SERP2: variants seen among roughly 807,000 people sequenced by gnomAD.
SERP2 encodes stress associated endoplasmic reticulum protein family member 2.
SERP2 carries 6 observed loss-of-function variants against 9.1 expected under a neutral mutation model. The ratio of observed to expected loss-of-function variants is 0.66; its 90% confidence interval spans 0.36 to 1.30. SERP2 has a LOEUF of 1.30. SERP2 is among the 50% of genes most tolerant of loss of function. The pLI is 0.03. For synonymous variants in SERP2, 37 were observed against 27.3 expected (o/e 1.35, Z -1.10); for missense variants, 58 against 81.9 (o/e 0.71, Z 1.13).
At chr13:44,391,693 A>G (rs1032650562) in intron 2 of SERP2, among the ~76,000 whole-genome samples, 8 of 152,114 alleles carry the variant, frequency 5.3e-5, no homozygotes, top group Non-Finnish European at 1.0e-4. Flanking sequence ...ACTTGTTAGA[A>G]ACACAGATTC....
intron 2 of SERP2, among the ~76,000 whole-genome samples, chr13:44,397,032 G>A (rs1266541524): frequency 6.6e-6 from 1 of 152,224 alleles, no homozygotes; most frequent in Non-Finnish European, 1.5e-5. Flanking sequence ...TTAACTGCTG[G>A]TGGAATTAGC....
chr13:44,389,593 G>C (rs1223921385), intron 2 of SERP2, among the ~76,000 whole-genome samples: 2 of 152,080 alleles, frequency 1.3e-5, no homozygotes, highest in East Asian at 3.9e-4. Context: ...GCCCATTTTC[G>C]TAGCTTTGCT....
intron 2 of SERP2, among the ~76,000 whole-genome samples, chr13:44,384,796 T>C (rs933657920): frequency 1.3e-5 from 2 of 152,224 alleles, no homozygotes; most frequent in African/African-American, 2.4e-5. Context: ...TGTTTTTATA[T>C]AGATGCTAAG....
intron 2 of SERP2, chr13:44,391,150 T>C (rs1168984021): frequency 6.6e-6 from 1 of 152,176 alleles, no homozygotes; most frequent in East Asian, 1.9e-4. Flanking sequence ...CCACTTGTTA[T>C]GTCATCCCTG....
At chr13:44,381,863 G>A (rs1412968600) in intron 2 of SERP2, among the ~76,000 whole-genome samples, 2 of 152,120 alleles carry the variant, frequency 1.3e-5, no homozygotes, top group Non-Finnish European at 2.9e-5. Flanking sequence ...ATCAGCAGTT[G>A]CAGTTATTTA....
chr13:44,382,245 G>C (rs1872025359), intron 2 of SERP2, among the ~76,000 whole-genome samples: 1 of 151,684 alleles, frequency 6.6e-6, no homozygotes, highest in Non-Finnish European at 1.5e-5. Flanking sequence ...GACCATCCTG[G>C]CTAACACGAT....
intron 2 of SERP2, among the ~76,000 whole-genome samples, chr13:44,386,397 T>C (rs899335133): frequency 6.6e-5 from 10 of 152,226 alleles, no homozygotes; most frequent in African/African-American, 2.4e-4. Context: ...AGTGTTTTTT[T>C]TCTTTTTTGA....
At chr13:44,389,220 G>A (rs1047406538) in intron 2 of SERP2, among the ~76,000 whole-genome samples, 1 of 152,224 alleles carries the variant, frequency 6.6e-6, no homozygotes, top group Non-Finnish European at 1.5e-5. Context: ...CCATAGGGAG[G>A]AAGTTAACAT....
chr13:44,375,140 C>G (rs536723488), intron 1 of SERP2, among the ~76,000 whole-genome samples: 3 of 152,260 alleles, frequency 2.0e-5, no homozygotes, highest in Admixed American at 6.5e-5. Context: ...AAGTGGAAAT[C>G]CAGCTGAAGC....
Position 44,382,095 on chromosome 13 carries a change from T to G in SERP2, c.157+2382T>G, listed in dbSNP as rs1015890186. Among the ~76,000 whole-genome samples the G allele has an allele frequency of 2.0e-5, 3 of 151,946 alleles. No homozygotes were observed. The East Asian group carries it at 5.8e-4, about 29-fold the overall frequency. ...AGTTGACCTTTTTTGAGACCTAATA[T>G]AAAACTTTATGACTTTTTTTTTTAT... On this transcript the variant is annotated intron_variant, in intron 2 of 2. Coordinates refer to ENST00000379179, the MANE Select transcript of SERP2 (RefSeq NM_001010897.3).
At chr13:44,374,235 T>C (rs1871500391) in intron 1 of SERP2, 126 bp downstream of exon 1, 1 of 611,460 alleles carries the variant, frequency 1.6e-6, no homozygotes, top group Non-Finnish European at 2.5e-6. Flanking sequence ...CCGCCCCTTC[T>C]GCGGGGTCCT....
chr13:44,392,552 A>G (rs1207205437), intron 2 of SERP2, among the ~76,000 whole-genome samples: 1 of 152,176 alleles, frequency 6.6e-6, no homozygotes, highest in Non-Finnish European at 1.5e-5. Flanking sequence ...AGGAATGGAA[A>G]GAAGGGTGCA....
chr13:44,388,389 T>C (rs976414378), intron 2 of SERP2, among the ~76,000 whole-genome samples: 1 of 152,250 alleles, frequency 6.6e-6, no homozygotes, highest in Non-Finnish European at 1.5e-5. Context: ...TCTGTGTGTA[T>C]GTACAGTATA....
In SERP2 at chr13:44,374,094, C is replaced by G. The variant is rs200371760; in HGVS notation, c.69C>G (p.Asn23Lys). Residue 23 changes from asparagine (N) to lysine (K), a missense_variant, in exon 1 of 3, where the codon AAC becomes AAG. Coordinates refer to ENST00000379179, the MANE Select transcript of SERP2 (RefSeq NM_001010897.3). ...GCAAAAACATCACCCAGAGGGGGAA[C>G]GTAGCCAAAACCCTGGTAAGGCGGG... ...KHSKNITQRGNVAKTLRPQEE... is the reference protein window; with the variant it reads ...KHSKNITQRGKVAKTLRPQEE... The G allele has an allele frequency of 6.5e-7, 1 of 1,543,786 alleles. No individual in the cohort carries two copies. Among genetic ancestry groups the G allele is most frequent in the South Asian group, 1.1e-5 (1 of 87,378 alleles).
intron 2 of SERP2, among the ~76,000 whole-genome samples, chr13:44,381,730 C>A (rs1449714733): frequency 6.6e-6 from 1 of 152,196 alleles, no homozygotes; most frequent in Non-Finnish European, 1.5e-5. Context: ...GATGGCCAGC[C>A]AGATGCCACC....
chr13:44,390,311 C>CCCCCCCCCCCCT, intron 2 of SERP2: 1 of 345,154 alleles, frequency 2.9e-6, no homozygotes, highest in Non-Finnish European at 5.9e-6. Context: ...ACCCACCCGC[C>CCCCCCCCCCCCT]CTGGACACTT....
At chr13:44,374,148 G>C in intron 1 of SERP2, 39 bp downstream of exon 1, 1 of 632,188 alleles carries the variant, frequency 1.6e-6, no homozygotes, top group Non-Finnish European at 2.5e-6. Context: ...GAGCCCTGCA[G>C]CCCGGCGGGG....
intron 2 of SERP2, chr13:44,395,896 A>G (rs1475493563): frequency 2.2e-6 from 1 of 452,616 alleles, no homozygotes; most frequent in Admixed American, 2.4e-5. Flanking sequence ...GACCCAAAAA[A>G]TGATCAGAAG....
At chr13:44,380,372 A>G (rs1197664955) in intron 2 of SERP2, among the ~76,000 whole-genome samples, 1 of 152,134 alleles carries the variant, frequency 6.6e-6, no homozygotes, top group East Asian at 1.9e-4. Context: ...ACTACACAGC[A>G]TGCCTTGAGG....
Sources: allele counts gnomAD v4.1 joint callset (sites outside exome capture counted in the v4.1 genomes callset), GRCh38; gene constraint gnomAD v4.1.1; transcripts MANE v1.5; gene names NCBI Gene and HGNC (gene_info 2026-07-23, HGNC 2026-07-21).